The following CLRN2 variants were observed in gnomAD, a reference collection of about 807,000 sequenced individuals.
CLRN2 encodes clarin-2.
A neutral mutation model predicts 20.1 loss-of-function variants in CLRN2; 17 were observed. The observed-to-expected ratio is 0.85, with a 90% CI of 0.58 to 1.27. CLRN2 has a LOEUF of 1.27. Among genes scored for constraint, CLRN2 ranks in the 50% most tolerant of loss-of-function variants. The pLI, the probability that CLRN2 is intolerant of heterozygous loss-of-function variation, is 0.00. For synonymous variants in CLRN2, 140 were observed against 126.9 expected (o/e 1.10, Z -0.70); for missense variants, 288 against 299.5 (o/e 0.96, Z 0.28).
At chr4:17,522,513 C>T (rs542216153) in intron 1 of CLRN2, among the ~76,000 whole-genome samples, 1 of 152,128 alleles carries the variant, frequency 6.6e-6, no homozygotes, top group Non-Finnish European at 1.5e-5. Flanking sequence ...AATTATGTGT[C>T]CTTCATACAT....
At chr4:17,518,360 C>G (rs1177389579) in intron 1 of CLRN2, among the ~76,000 whole-genome samples, 1 of 152,188 alleles carries the variant, frequency 6.6e-6, no homozygotes, top group Non-Finnish European at 1.5e-5. Context: ...AAAAGACAAA[C>G]ATTACTTTAG....
chr4:17,522,730 C>T (rs1711862975), intron 1 of CLRN2, 134 bp from the exon 2 acceptor site: 15 of 828,046 alleles, frequency 1.8e-5, no homozygotes, highest in Non-Finnish European at 2.8e-5. Context: ...AAGTCTCCCG[C>T]TGTTTGAAAT....
chr4:17,525,558 G>C (rs1404579730), intron 2 of CLRN2, among the ~76,000 whole-genome samples: 1 of 152,158 alleles, frequency 6.6e-6, no homozygotes, highest in Non-Finnish European at 1.5e-5. Flanking sequence ...GCTGAGGCAA[G>C]AGGATCGCTT....
chr4:17,521,264 A>G lies in CLRN2; in HGVS notation c.254-1600A>G, dbSNP rs539138500. Among the ~76,000 whole-genome samples the G allele has an allele frequency of 4.6e-5, 7 of 152,330 alleles. No individual in the cohort carries two copies. The East Asian group carries it at 1.3e-3, about 29-fold the overall frequency. ...TGGAAATTCAGAACTGGAAAGAAAC[A>G]TCAGAACGCACAATGTAAACGTGGA... is the stretch of plus-strand genomic sequence containing the variant. On this transcript the variant is annotated intron_variant, in intron 1 of 2. Coordinates refer to ENST00000511148, the MANE Select transcript of CLRN2 (RefSeq NM_001079827.2).
intron 1 of CLRN2, 38 bp downstream of exon 1, chr4:17,515,557 C>T: frequency 6.2e-6 from 10 of 1,602,536 alleles, no homozygotes; most frequent in Non-Finnish European, 8.5e-6. Context: ...ATTCTAGGCA[C>T]TCATTTTTGT....
chr4:17,517,986 G>T (rs190872817), intron 1 of CLRN2, among the ~76,000 whole-genome samples: 1 of 152,054 alleles, frequency 6.6e-6, no homozygotes, highest in East Asian at 1.9e-4. Flanking sequence ...GCAGCTACGG[G>T]GTATATCAGA....
intron 2 of CLRN2, among the ~76,000 whole-genome samples, chr4:17,525,978 G>A (rs919654217): frequency 6.6e-6 from 1 of 151,210 alleles, no homozygotes; most frequent in African/African-American, 2.4e-5. Flanking sequence ...GAAGAGAGGG[G>A]GAGAGAGAGA....
rs749593584 is a variant in CLRN2, at chr4:17,526,851, G to T, written c.468G>T (p.Val156=). ...TGGCGTTAGCCATCGCCAGCTTCGT[G>T]GCTGCGGTGAAATTTCACGACCTGA... ...GVVALAIASF[V]AAVKFHDLTE... is the part of the protein sequence containing the mutation. Residue 156 remains valine, a synonymous_variant, in exon 3 of 3, where the codon GTG becomes GTT. Coordinates refer to ENST00000511148, the MANE Select transcript of CLRN2 (RefSeq NM_001079827.2). 6.2e-7 allele frequency: 1 copy of T among 1,614,014 alleles called. No individual in the cohort carries two copies. The highest frequency in any genetic ancestry group is 1.1e-5 in the South Asian group (1 of 91,086).
chr4:17,518,159 C>G (rs975166878), intron 1 of CLRN2, among the ~76,000 whole-genome samples: 5 of 152,058 alleles, frequency 3.3e-5, no homozygotes, highest in African/African-American at 4.8e-5. Flanking sequence ...TTTATTGGGT[C>G]TCGTTCACAA....
At chr4:17,526,750 A>G in intron 2 of CLRN2, 67 bp from the exon 3 acceptor site, 1 of 1,581,788 alleles carries the variant, frequency 6.3e-7, no homozygotes, top group Non-Finnish European at 8.6e-7. Context: ...CACGTGGCAC[A>G]GAAATGCCAC....
chr4:17,525,312 T>C (rs1340061223), intron 2 of CLRN2, among the ~76,000 whole-genome samples: 1 of 152,212 alleles, frequency 6.6e-6, no homozygotes, highest in Non-Finnish European at 1.5e-5. Flanking sequence ...TTATAGTGTG[T>C]AGTGCATAAA....
chr4:17,517,506 C>T (rs916508651), intron 1 of CLRN2, among the ~76,000 whole-genome samples: 1 of 152,186 alleles, frequency 6.6e-6, no homozygotes, highest in Non-Finnish European at 1.5e-5. Context: ...CCCTGCCATT[C>T]CCAGCTCACA....
In CLRN2 at chr4:17,518,071, A is replaced by T. The variant is rs886403265; in HGVS notation, c.253+2552A>T. Among the ~76,000 whole-genome samples, 247 of 152,230 alleles carry T rather than the reference A, an allele frequency of 1.6e-3. 2 individuals are homozygous for T. The highest frequency in any genetic ancestry group is 5.6e-3 in the African/African-American group (234 of 41,534). On this transcript the variant is annotated intron_variant, in intron 1 of 2. Coordinates refer to ENST00000511148, the MANE Select transcript of CLRN2 (RefSeq NM_001079827.2). ...CACTATCCATCTGTAGAAAAAAAAAAAAATAATCCCCACAGTCGCAGATCA... is the reference window on the plus strand; with the variant it reads ...CACTATCCATCTGTAGAAAAAAAAATAAATAATCCCCACAGTCGCAGATCA...
At chr4:17,520,391 G>A (rs148970552) in intron 1 of CLRN2, among the ~76,000 whole-genome samples, 31 of 152,238 alleles carry the variant, frequency 2.0e-4, no homozygotes, top group African/African-American at 6.7e-4. Context: ...TTCACATACT[G>A]TTTTTTCTCC....
At chr4:17,526,123 G>A (rs903904908) in intron 2 of CLRN2, among the ~76,000 whole-genome samples, 2 of 152,134 alleles carry the variant, frequency 1.3e-5, no homozygotes, top group African/African-American at 4.8e-5. Flanking sequence ...ATGGAAGGAG[G>A]ATAATTAAAC....
rs184928069 is a variant in CLRN2, at chr4:17,527,001, G to A, written c.618G>A (p.Val206=). ...ASAHAANLVV[V]AISQIPLPEI... is the part of the protein sequence containing the mutation. ...CCCATGCTGCAAACTTGGTCGTGGT[G>A]GCGATCAGTCAAATTCCCCTCCCTG... The change falls in exon 3 of 3, where the codon GTG becomes GTA. Residue 206 remains valine, a synonymous_variant. Coordinates refer to ENST00000511148, the MANE Select transcript of CLRN2 (RefSeq NM_001079827.2). 6 of 1,614,004 alleles carry A rather than the reference G, an allele frequency of 3.7e-6. No individual in the cohort carries two copies. The Admixed American group carries it at 1.0e-4, about 27-fold the overall frequency.
Position 17,518,539 on chromosome 4 carries a change from T to C in CLRN2, c.253+3020T>C, listed in dbSNP as rs1011236270. Among the ~76,000 whole-genome samples the C allele has an allele frequency of 2.6e-5, 4 of 152,280 alleles. No individual in the cohort carries two copies. The East Asian group carries it at 7.7e-4, about 29-fold the overall frequency. ...ACTTTGGGAGGCCAAGGCAGGTGGATCACCTGAGATCAGGAGTTTGAGACC... is the reference window on the plus strand; with the variant it reads ...ACTTTGGGAGGCCAAGGCAGGTGGACCACCTGAGATCAGGAGTTTGAGACC... On this transcript the variant is annotated intron_variant, in intron 1 of 2. Transcript: ENST00000511148.
chr4:17,526,978 C>T lies in CLRN2; in HGVS notation c.595C>T (p.His199Tyr). The T allele has an allele frequency of 6.2e-7, 1 of 1,614,018 alleles. No homozygotes were observed. Among genetic ancestry groups the T allele is most frequent in the Non-Finnish European group, 8.5e-7 (1 of 1,179,906 alleles). ...GATCTGCGTGGCCAGCGCTTCGGCCCATGCTGCAAACTTGGTCGTGGTGGC... is the reference window on the plus strand; with the variant it reads ...GATCTGCGTGGCCAGCGCTTCGGCCTATGCTGCAAACTTGGTCGTGGTGGC... ...FWICVASASA[H>Y]AANLVVVAIS... The change falls in exon 3 of 3, where the codon CAT becomes TAT. Residue 199 changes from histidine to tyrosine, a missense_variant. Physicochemically the swap from His to Tyr is moderately conservative, Grantham distance 83 (BLOSUM62 2). Coordinates refer to ENST00000511148, the MANE Select transcript of CLRN2 (RefSeq NM_001079827.2).
At chr4:17,522,110 T>C (rs1223536505) in intron 1 of CLRN2, among the ~76,000 whole-genome samples, 3 of 152,248 alleles carry the variant, frequency 2.0e-5, no homozygotes, top group African/African-American at 7.2e-5. Context: ...AAGGAGTTTA[T>C]AAAATCTACC....
Sources: allele counts gnomAD v4.1 joint callset (sites outside exome capture counted in the v4.1 genomes callset), GRCh38; gene constraint gnomAD v4.1.1; transcripts MANE v1.5; gene names NCBI Gene and HGNC (gene_info 2026-07-23, HGNC 2026-07-21).